SNRPB: variants seen among roughly 807,000 people sequenced by gnomAD.
The protein encoded by SNRPB is small nuclear ribonucleoprotein polypeptides B and B1, also known as small nuclear ribonucleoprotein-associated proteins B and B'.
A neutral mutation model predicts 26.6 loss-of-function variants in SNRPB; 5 were observed. That is an observed-to-expected ratio of 0.19 (90% confidence interval 0.10 to 0.39). The LOEUF (loss-of-function observed/expected upper bound fraction) is 0.39, where lower values mean the gene tolerates loss of function less well. SNRPB is among the 10% of genes least tolerant of loss of function. The probability of loss-of-function intolerance (pLI) is 1.00; values close to 1 mark genes in which losing one functional copy is unlikely to be tolerated. For missense variants in SNRPB, 211 were observed against 311.9 expected (o/e 0.68, Z 2.44); for synonymous variants, 122 against 105.8 (o/e 1.15, Z -0.94).
Position 2,463,632 on chromosome 20 carries a change from C to T in SNRPB, c.420+115G>A, listed in dbSNP as rs761541492. ...GCCATGTATAAACCACAGTGAAACA[C>T]TGATAGTCTGACAATCACAGGTTGG... is the stretch of plus-strand genomic sequence containing the variant. On this transcript the variant is annotated intron_variant, in intron 4 of 6. Transcript: ENST00000381342. This position sits in a 1 kb window ranked among gnomAD's most constrained non-coding sequence, Gnocchi z 5.0. 2.1e-5 allele frequency: 16 copies of T among 760,984 alleles called. No homozygotes were observed. The highest frequency in any genetic ancestry group is 2.9e-5 in the Non-Finnish European group (13 of 456,054). 47.1% of individuals were successfully genotyped at this position (760,984 alleles called of 1,614,324 possible). A position where few individuals can be genotyped will look rare whatever the true frequency, so the allele number is the denominator to read the frequency against.
Position 2,463,248 on chromosome 20 carries a change from A to G in SNRPB, c.421-21T>C. ...ATCACCTAAGAGGACATAAGAAGAA[A>G]GAGTTAGAAGAGTACAGTACAATGC... is the stretch of plus-strand genomic sequence containing the variant. On this transcript the variant is annotated intron_variant, in intron 4 of 6. Transcript: ENST00000381342. The surrounding 1 kb of genome is among the most constrained non-coding windows in gnomAD (Gnocchi z 5.0). The G allele has an allele frequency of 6.3e-7, 1 of 1,595,778 alleles. No homozygotes were observed. The highest frequency in any genetic ancestry group is 8.6e-7 in the Non-Finnish European group (1 of 1,163,618).
chr20:2,464,757 C>G (rs2085060351), intron 3 of SNRPB, among the ~76,000 whole-genome samples: 1 of 152,104 alleles, frequency 6.6e-6, no homozygotes, highest in South Asian at 2.1e-4. Context: ...GTAATCCCCG[C>G]TACTCGGGAG....
intron 1 of SNRPB, among the ~76,000 whole-genome samples, chr20:2,468,778 T>C (rs994751391): frequency 3.3e-5 from 5 of 152,134 alleles, no homozygotes; most frequent in African/African-American, 4.8e-5. Flanking sequence ...TTACAAAAAT[T>C]AGCCACACGT....
intron 1 of SNRPB, 132 bp from the exon 2 acceptor site, chr20:2,467,890 C>T: frequency 1.3e-6 from 1 of 799,574 alleles, no homozygotes; most frequent in Non-Finnish European, 2.0e-6. Flanking sequence ...CTCAGTCTCC[C>T]ACCCACAGCC....
At chr20:2,465,612 G>C (rs1241029526) in intron 3 of SNRPB, 96 bp downstream of exon 3, 1 of 828,274 alleles carries the variant, frequency 1.2e-6, no homozygotes, top group East Asian at 2.5e-5. Context: ...AAATCCAGAG[G>C]ATGCCTGTGA....
At chr20:2,470,184 C>T (rs2085103275) in intron 1 of SNRPB, among the ~76,000 whole-genome samples, 2 of 152,220 alleles carry the variant, frequency 1.3e-5, no homozygotes, top group Admixed American at 1.3e-4. Flanking sequence ...GGAGCTCTTC[C>T]TCCATTCGCC....
At position 2,462,038 on chromosome 20, in the gene SNRPB, A is replaced by T. The variant is rs1193612710; in HGVS notation, c.686-99T>A. The T allele has an allele frequency of 3.7e-6, 3 of 801,196 alleles. No homozygotes were observed. The Admixed American group carries it at 6.4e-5, about 17-fold the overall frequency. The allele number at this position is 801,196 out of a possible 1,614,324, so 49.6% of individuals were successfully genotyped here. A position where few individuals can be genotyped will look rare whatever the true frequency, so the allele number is the denominator to read the frequency against. ...CGCCCTGCAGTAATCGAGTGAGGAG[A>T]GGGGTATACATGGCATATGTGCTAA... On this transcript the variant is annotated intron_variant, in intron 6 of 6. Transcript: ENST00000381342.
rs112354381 is a variant in SNRPB, at chr20:2,466,571, T to C, written c.156-752A>G. Among the ~76,000 whole-genome samples the C allele has an allele frequency of 3.3e-5, 5 of 152,330 alleles. 2 individuals are homozygous for C. Among genetic ancestry groups the C allele is most frequent in the African/African-American group, 1.2e-4 (5 of 41,582 alleles). ...TTTTGTTTTGATATTTTACAGTATA[T>C]TAACTGGTTGTCTGTGGATGGACAG... On this transcript the variant is annotated intron_variant, in intron 2 of 6. Coordinates refer to ENST00000381342, the MANE Select transcript of SNRPB (RefSeq NM_003091.4).
intron 1 of SNRPB, among the ~76,000 whole-genome samples, chr20:2,468,195 TC>T (rs1418146112): frequency 6.6e-6 from 1 of 152,152 alleles, no homozygotes; most frequent in East Asian, 1.9e-4. Flanking sequence ...AAACTAAAAA[TC>T]TAATCAACAA....
At chr20:2,468,248 A>T (rs1028889735) in intron 1 of SNRPB, among the ~76,000 whole-genome samples, 1 of 152,236 alleles carries the variant, frequency 6.6e-6, no homozygotes, top group African/African-American at 2.4e-5. Context: ...AAGGTGAAAA[A>T]TGAAATCCAC....
At chr20:2,469,736 C>T (rs2085100037) in intron 1 of SNRPB, among the ~76,000 whole-genome samples, 1 of 152,114 alleles carries the variant, frequency 6.6e-6, no homozygotes, top group Admixed American at 6.6e-5. Flanking sequence ...CAATGACATG[C>T]CTCACCACCA....
Position 2,461,916 on chromosome 20 carries a change from C to T in SNRPB, c.*13G>A. ...GCCTCTGCGGAGCTACTTCCATACT[C>T]TGTGGCCAAGGGTCAAAGAAGGCCT... On this transcript the variant is annotated 3_prime_UTR_variant, in exon 7 of 7. Transcript: ENST00000381342. 1 of 1,613,492 alleles carries T rather than the reference C, an allele frequency of 6.2e-7. No homozygotes were observed. Among genetic ancestry groups the T allele is most frequent in the Non-Finnish European group, 8.5e-7 (1 of 1,179,862 alleles).
intron 1 of SNRPB, 22 bp downstream of exon 1, chr20:2,470,666 C>G (rs978047210): frequency 1.9e-6 from 3 of 1,613,530 alleles, no homozygotes; most frequent in Non-Finnish European, 2.5e-6. Flanking sequence ...GCTCCCGCGC[C>G]GCCAGCCTGT....
At position 2,461,840 on chromosome 20, in the gene SNRPB, A is replaced by G. The variant is rs372216992; in HGVS notation, c.*89T>C. ...CCCATGAGACTCCACGAACAACAGCATAAGAAACAAACAGGTCTGTGGTAA... is the reference window on the plus strand; with the variant it reads ...CCCATGAGACTCCACGAACAACAGCGTAAGAAACAAACAGGTCTGTGGTAA... On this transcript the variant is annotated 3_prime_UTR_variant, in exon 7 of 7. Transcript: ENST00000381342. The G allele has an allele frequency of 5.0e-6, 8 of 1,613,972 alleles. No individual in the cohort carries two copies. Among genetic ancestry groups the G allele is most frequent in the African/African-American group, 2.7e-5 (2 of 74,934 alleles).
rs1386992642 is a variant in SNRPB, at chr20:2,467,352, C to T, written c.155+255G>A. The T allele has an allele frequency of 6.9e-6, 4 of 580,922 alleles. No individual in the cohort carries two copies. In the Admixed American group the frequency reaches 9.3e-5, roughly 13 times the overall value. The allele number at this position is 580,922 out of a possible 1,614,324, so 36.0% of individuals were successfully genotyped here. ...ACATGAGAGCCCTTTACCCCAGTAC[C>T]CAGGGGCACGCAAAGTGAGAGAAAC... On this transcript the variant is annotated intron_variant, in intron 2 of 6. Transcript: ENST00000381342.
intron 6 of SNRPB, among the ~76,000 whole-genome samples, chr20:2,462,274 A>T (rs1255210202): frequency 7.1e-6 from 1 of 140,170 alleles, no homozygotes; most frequent in East Asian, 1.9e-4. Flanking sequence ...AGTTAAAGAG[A>T]AATCCATAAT....
At position 2,463,261 on chromosome 20, in the gene SNRPB, T is replaced by C. The variant is rs751038700; in HGVS notation, c.421-34A>G. 1.3e-6 allele frequency: 2 copies of C among 1,569,124 alleles called. No individual in the cohort carries two copies. The highest frequency in any genetic ancestry group is 1.7e-5 in the Admixed American group (1 of 59,938). ...ACATAAGAAGAAAGAGTTAGAAGAG[T>C]ACAGTACAATGCAGCTTCCCACTCT... On this transcript the variant is annotated intron_variant, in intron 4 of 6. Transcript: ENST00000381342. This position sits in a 1 kb window ranked among gnomAD's most constrained non-coding sequence, Gnocchi z 5.0.
rs1231948533 is a variant in SNRPB, at chr20:2,461,936, A to C, written c.689T>G (p.Leu230Arg). 1.2e-6 allele frequency: 2 copies of C among 1,611,066 alleles called. No homozygotes were observed. The highest frequency in any genetic ancestry group is 8.5e-7 in the Non-Finnish European group (1 of 1,178,908). Residue 230 changes from leucine to arginine, a missense_variant, in exon 7 of 7, where the codon CTT (leucine) becomes CGT (arginine). Physicochemically the swap from Leu to Arg is moderately radical, Grantham distance 102. Coordinates refer to ENST00000381342, the MANE Select transcript of SNRPB (RefSeq NM_003091.4). The stretch of plus-strand genomic sequence containing the variant: ...ATACTCTGTGGCCAAGGGTCAAAGA[A>C]GGCCTGAAGTAAGAGTAAGAAGTTT... ...MRPPPPGMRG[L>R]L
intron 1 of SNRPB, among the ~76,000 whole-genome samples, chr20:2,469,443 G>A (rs1198579810): frequency 6.6e-6 from 1 of 152,182 alleles, no homozygotes; most frequent in Non-Finnish European, 1.5e-5. Context: ...TGTAATCCCA[G>A]CACTTTGGGA....
Sources: allele counts gnomAD v4.1 joint callset (sites outside exome capture counted in the v4.1 genomes callset), GRCh38; gene constraint gnomAD v4.1.1; non-coding constraint Gnocchi (gnomAD v3.1); transcripts MANE v1.5; gene names NCBI Gene and HGNC (gene_info 2026-07-23, HGNC 2026-07-21).